KIF13B: variants seen among roughly 807,000 people sequenced by gnomAD.
KIF13B encodes the protein kinesin-like protein KIF13B.
A neutral mutation model predicts 222.0 loss-of-function variants in KIF13B; 127 were observed. The ratio of observed to expected loss-of-function variants is 0.57; its 90% CI spans 0.50 to 0.66. The LOEUF (loss-of-function observed/expected upper bound fraction) is 0.66. Among genes scored for constraint, KIF13B ranks in the 30% least tolerant of loss-of-function variants. The probability of loss-of-function intolerance (pLI) is 0.00; values close to 1 mark genes in which losing one functional copy is unlikely to be tolerated. For synonymous variants in KIF13B, 976 were observed against 919.0 expected (o/e 1.06, Z -1.12); for missense variants, 2,173 against 2,379.0 (o/e 0.91, Z 1.80).
At chr8:29,157,807 G>A (rs1050152528) in intron 13 of KIF13B, among the ~76,000 whole-genome samples, 5 of 150,672 alleles carry the variant, frequency 3.3e-5, no homozygotes, top group Admixed American at 6.6e-5. Context: ...CTCTCACCTG[G>A]GTGACAGAAC....
At chr8:29,124,343 T>C (rs879584985) in intron 26 of KIF13B, among the ~76,000 whole-genome samples, 10 of 152,230 alleles carry the variant, frequency 6.6e-5, no homozygotes, top group African/African-American at 2.4e-4. Context: ...TTCTCAGGTA[T>C]CCAGAACCAG....
intron 2 of KIF13B, among the ~76,000 whole-genome samples, chr8:29,206,845 T>C (rs1813965811): frequency 6.6e-6 from 1 of 151,618 alleles, no homozygotes; most frequent in Non-Finnish European, 1.5e-5. Flanking sequence ...GGATGGGGTT[T>C]GCGGAAGTGG....
At chr8:29,096,849 G>A (rs1808555980) in intron 36 of KIF13B, among the ~76,000 whole-genome samples, 2 of 151,928 alleles carry the variant, frequency 1.3e-5, no homozygotes, top group Non-Finnish European at 2.9e-5. Context: ...AGCAAAAAGA[G>A]GAAATAAAAT....
At chr8:29,091,334 A>C (rs1283514850) in intron 37 of KIF13B, among the ~76,000 whole-genome samples, 1 of 152,212 alleles carries the variant, frequency 6.6e-6, no homozygotes, top group African/African-American at 2.4e-5. Flanking sequence ...AAAACTGAAA[A>C]TAGCTTTAAA....
At chr8:29,183,699 C>T (rs10103118) in intron 6 of KIF13B, among the ~76,000 whole-genome samples, 18,129 of 152,120 alleles carry the variant, frequency 0.12, 1,228 homozygotes, top group South Asian at 0.15. Flanking sequence ...AGTCCTGGCA[C>T]ATAAGAATCA....
rs1323360561 is a variant in KIF13B at position 29,130,643 on chromosome 8, A to G, written c.2965T>C (p.Leu989=). The stretch of plus-strand genomic sequence containing the variant: ...TCCAAGATTTGAACCCAGAATTCCA[A>G]TTTCCTGGTCACTTCACTCCATCTA... ...RDRWSEVTRK[L]EFWVQILEQN... is the part of the protein sequence containing the mutation. The change falls in exon 24 of 40, where the codon TTG becomes CTG. Residue 989 remains leucine (L), a synonymous_variant. Coordinates refer to ENST00000524189, the MANE Select transcript of KIF13B (RefSeq NM_015254.4). 3 of 1,613,742 alleles carry G rather than the reference A, an allele frequency of 1.9e-6. No homozygotes were observed. The highest frequency in any genetic ancestry group is 4.5e-5 in the East Asian group (2 of 44,880).
At chr8:29,178,602 T>C (rs946425716) in intron 8 of KIF13B, among the ~76,000 whole-genome samples, 2 of 149,678 alleles carry the variant, frequency 1.3e-5, no homozygotes, top group Non-Finnish European at 3.0e-5. Context: ...TAAATAAACA[T>C]GCTGTTAACA....
At chr8:29,237,334 A>T (rs1815557757) in intron 2 of KIF13B, among the ~76,000 whole-genome samples, 1 of 152,152 alleles carries the variant, frequency 6.6e-6, no homozygotes, top group Admixed American at 6.5e-5. Flanking sequence ...CTGTGTTCAT[A>T]ATTAGATATT....
chr8:29,116,270 C>T (rs1004218317), intron 31 of KIF13B, among the ~76,000 whole-genome samples: 2 of 152,126 alleles, frequency 1.3e-5, no homozygotes, highest in Admixed American at 6.6e-5. Flanking sequence ...AGGTCTGGAA[C>T]GCACCCTGGC....
At chr8:29,115,167 C>G (rs567347456) in intron 31 of KIF13B, among the ~76,000 whole-genome samples, 11 of 152,186 alleles carry the variant, frequency 7.2e-5, no homozygotes, top group African/African-American at 2.7e-4. Flanking sequence ...AGGAGTCTGT[C>G]AACCATGACT....
chr8:29,193,967 G>C lies in KIF13B; in HGVS notation c.162+2220C>G, dbSNP rs1410775098. Among the ~76,000 whole-genome samples the C allele has an allele frequency of 8.7e-5, 13 of 149,236 alleles. No individual in the cohort carries two copies. The South Asian group carries it at 2.5e-3, about 29-fold the overall frequency. On this transcript the variant is annotated intron_variant, in intron 3 of 39. Transcript: ENST00000524189. ...TGAGTAGCTGGGACTACAGGCGCCC[G>C]CTACCACGCCTGGCTTTTTTTTTTT...
At chr8:29,215,074 G>A (rs554172087) in intron 2 of KIF13B, among the ~76,000 whole-genome samples, 1 of 152,216 alleles carries the variant, frequency 6.6e-6, no homozygotes, top group East Asian at 1.9e-4. Flanking sequence ...TTGCTCCGGT[G>A]GCTCCACGCT....
chr8:29,182,108 C>A, intron 6 of KIF13B, 102 bp from the exon 7 acceptor site: 2 of 803,764 alleles, frequency 2.5e-6, no homozygotes, highest in Non-Finnish European at 1.9e-6. Flanking sequence ...AAGAAAGACC[C>A]CAAATAAGTA....
chr8:29,245,297 T>C, intron 2 of KIF13B, 49 bp downstream of exon 2: 1 of 1,291,106 alleles, frequency 7.7e-7, no homozygotes, highest in Non-Finnish European at 1.1e-6. Context: ...CCACAGTTGC[T>C]TCCAGTTACT....
chr8:29,071,832 C>G lies in KIF13B; in HGVS notation c.5006G>C (p.Cys1669Ser). 6.5e-7 allele frequency: 1 copy of G among 1,541,078 alleles called. No individual in the cohort carries two copies. The highest frequency in any genetic ancestry group is 8.7e-7 in the Non-Finnish European group (1 of 1,146,004). ...CGCATTCCCCTCGGCCCCCGGGGAG[C>G]AGCCGGGGTCCCCAGCCAGCATGCG... is the stretch of plus-strand genomic sequence containing the variant. Reference protein sequence around the residue: ...FSRMLAGDPGCSPGAEGNAPA... With the variant: ...FSRMLAGDPGSSPGAEGNAPA... The change falls in exon 39 of 40, where the codon TGC becomes TCC. Residue 1669 changes from cysteine to serine, a missense_variant. By Grantham distance (112) the Cys-to-Ser change is moderately radical. Transcript: ENST00000524189. This position sits in a 1 kb window ranked among gnomAD's most constrained non-coding sequence, Gnocchi z 4.9.
chr8:29,162,654 A>T (rs1356524206), intron 12 of KIF13B, among the ~76,000 whole-genome samples: 1 of 152,258 alleles, frequency 6.6e-6, no homozygotes, highest in African/African-American at 2.4e-5. Context: ...AAAACGCTAC[A>T]AAATTTTTGT....
chr8:29,181,258 T>C (rs1207263432), intron 7 of KIF13B, among the ~76,000 whole-genome samples: 1 of 152,162 alleles, frequency 6.6e-6, no homozygotes, highest in Non-Finnish European at 1.5e-5. Flanking sequence ...TAATAACACA[T>C]TTGGGGCCAC....
chr8:29,200,641 CT>C (rs1813652753), intron 2 of KIF13B, among the ~76,000 whole-genome samples: 4 of 152,160 alleles, frequency 2.6e-5, no homozygotes, highest in Admixed American at 2.6e-4. Flanking sequence ...ATTAAATAAC[CT>C]ATAGACAACC....
intron 2 of KIF13B, among the ~76,000 whole-genome samples, chr8:29,216,886 C>T (rs62502853): frequency 6.6e-6 from 1 of 151,724 alleles, no homozygotes; most frequent in Non-Finnish European, 1.5e-5. Context: ...TCAGGTTCCC[C>T]GTGCAAATCT....
Sources: gnomAD v4.1 joint callset for allele counts (sites outside exome capture counted in the v4.1 genomes callset) on GRCh38, gnomAD v4.1.1 for gene constraint, Gnocchi (gnomAD v3.1) non-coding constraint, MANE v1.5 for transcripts, NCBI Gene and HGNC (gene_info 2026-07-23, HGNC 2026-07-21) for gene names.